Variants in CRADD observed in about 807,000 individuals in gnomAD.
The protein encoded by CRADD is CARD and death domain containing adaptor protein.
A neutral mutation model predicts 15.5 loss-of-function variants in CRADD; 9 were observed. The observed-to-expected ratio is 0.58, with a 90% CI of 0.35 to 1.01. The LOEUF is 1.01. Among genes scored for constraint, CRADD ranks in the 50% least tolerant of loss-of-function variants. CRADD has a pLI of 0.02. For missense variants in CRADD, 227 were observed against 250.3 expected, an observed-to-expected ratio of 0.91 and a Z score of 0.63; for synonymous variants, 118 against 107.6, an observed-to-expected ratio of 1.10 and a Z score of -0.60.
intron 2 of CRADD, among the ~76,000 whole-genome samples, chr12:93,829,517 CCT>C (rs922665449): frequency 2.0e-5 from 3 of 152,036 alleles, no homozygotes; most frequent in African/African-American, 2.4e-5. Context: ...TTTTGTGAAA[CCT>C]CTCAATTTTT....
chr12:93,848,997 C>T (rs1481614637), intron 2 of CRADD: 2 of 152,286 alleles, frequency 1.3e-5, no homozygotes, highest in African/African-American at 4.8e-5. Context: ...AAACCCCGCT[C>T]TCTTCCCTTC....
chr12:93,894,271 T>TGGGGGG, exon 3 of CRADD: 9 of 436,234 alleles, frequency 2.1e-5, no homozygotes, highest in East Asian at 5.0e-5. Context: ...TGTGTGTGGG[T>TGGGGGG]GGGCGGGGGG....
At position 93,679,164 on chromosome 12, in the gene CRADD, CAG is replaced by C. The variant is rs1337549891; in HGVS notation, c.298+95_298+96del. ...TTTATTTGTTTGTTTGTTTTTGAGACAGAGTCTTGCTCTGTTGCCCAGGCTGG... is the reference window on the plus strand; with the variant it reads ...TTTATTTGTTTGTTTGTTTTTGAGACAGTCTTGCTCTGTTGCCCAGGCTGG... On this transcript the variant is annotated intron_variant, in intron 2 of 2. Coordinates refer to ENST00000332896, the MANE Select transcript of CRADD (RefSeq NM_003805.5). 10 of 1,049,410 alleles carry C rather than the reference CAG, an allele frequency of 9.5e-6. No homozygotes were observed. The East Asian group carries it at 1.8e-4, about 18-fold the overall frequency. 65.0% of individuals were successfully genotyped at this position (1,049,410 alleles called of 1,614,324 possible).
intron 2 of CRADD, among the ~76,000 whole-genome samples, chr12:93,867,843 A>G (rs1958383694): frequency 6.6e-6 from 1 of 152,172 alleles, no homozygotes; most frequent in Non-Finnish European, 1.5e-5. Context: ...GGGCCCAGAG[A>G]CAAAATTGAT....
chr12:93,763,768 T>A (rs1332403114), intron 2 of CRADD, among the ~76,000 whole-genome samples: 1 of 152,140 alleles, frequency 6.6e-6, no homozygotes, highest in East Asian at 1.9e-4. Flanking sequence ...GTGCTCACAA[T>A]CCCCAAGCCC....
chr12:93,829,009 G>A (rs1213170926), intron 2 of CRADD, among the ~76,000 whole-genome samples: 1 of 152,104 alleles, frequency 6.6e-6, no homozygotes, highest in Non-Finnish European at 1.5e-5. Context: ...ATTTTCCACA[G>A]CCTTGCTCCG....
At chr12:93,818,940 G>A (rs1441540867) in intron 2 of CRADD, among the ~76,000 whole-genome samples, 1 of 152,252 alleles carries the variant, frequency 6.6e-6, no homozygotes, top group African/African-American at 2.4e-5. Flanking sequence ...CTTCAATGCT[G>A]TGATCTAGAG....
intron 2 of CRADD, among the ~76,000 whole-genome samples, chr12:93,847,807 T>G (rs1032964307): frequency 2.0e-5 from 3 of 152,234 alleles, no homozygotes; most frequent in African/African-American, 7.2e-5. Flanking sequence ...ATAGAGTATT[T>G]CTATAAAAAC....
intron 2 of CRADD, among the ~76,000 whole-genome samples, chr12:93,885,348 G>A (rs987757797): frequency 3.9e-5 from 6 of 152,200 alleles, no homozygotes; most frequent in Non-Finnish European, 8.8e-5. Context: ...TACAAACACA[G>A]GAGGGAACTT....
chr12:93,838,109 A>G (rs944364490), intron 2 of CRADD: 1 of 152,124 alleles, frequency 6.6e-6, no homozygotes, highest in Non-Finnish European at 1.5e-5. Flanking sequence ...GGTTTTAGAA[A>G]GACTAAACAT....
intron 2 of CRADD, among the ~76,000 whole-genome samples, chr12:93,718,626 T>C (rs142710696): frequency 6.6e-6 from 1 of 152,344 alleles, no homozygotes; most frequent in African/African-American, 2.4e-5. Context: ...GTCTTCCTTC[T>C]TAATCTACAT....
At chr12:93,763,130 G>A (rs1956987548) in intron 2 of CRADD, among the ~76,000 whole-genome samples, 1 of 152,212 alleles carries the variant, frequency 6.6e-6, no homozygotes, top group African/African-American at 2.4e-5. Context: ...GACAGATGAC[G>A]AGGCTGGAAC....
chr12:93,738,289 ACCTGAAGGAGGCC>A (rs939574639), intron 2 of CRADD: 6 of 686,182 alleles, frequency 8.7e-6, no homozygotes, highest in Non-Finnish European at 1.3e-5. Context: ...GGGGATGAGG[ACCTGAAGGAGGCC>A]CATGAGACCT....
chr12:93,725,152 G>A (rs773490815), intron 2 of CRADD, among the ~76,000 whole-genome samples: 2 of 152,072 alleles, frequency 1.3e-5, no homozygotes, highest in Non-Finnish European at 2.9e-5. Context: ...GAGCCACCAC[G>A]CCCGGCCCAG....
In CRADD at chr12:93,723,708, A is replaced by G. The variant is rs560044230; in HGVS notation, c.298+44636A>G. On this transcript the variant is annotated intron_variant, in intron 2 of 2. Coordinates refer to ENST00000332896, the MANE Select transcript of CRADD (RefSeq NM_003805.5). Reference sequence around the variant, plus strand: ...TTTGCTGGGCAGTGGGAATGATGAAACTGCCTGGTGAATACAGAAGTGTTC... The same window carrying G: ...TTTGCTGGGCAGTGGGAATGATGAAGCTGCCTGGTGAATACAGAAGTGTTC... Among the ~76,000 whole-genome samples the G allele has an allele frequency of 1.8e-4, 27 of 152,324 alleles. No homozygotes were observed. In the South Asian group the frequency reaches 5.6e-3, roughly 32 times the overall value.
intron 2 of CRADD, among the ~76,000 whole-genome samples, chr12:93,715,807 A>G (rs1446013797): frequency 6.6e-6 from 1 of 152,006 alleles, no homozygotes; most frequent in Non-Finnish European, 1.5e-5. Context: ...CTTTTTCCCC[A>G]TTTTCTTTGG....
chr12:93,791,377 C>T (rs1251575496), intron 2 of CRADD, among the ~76,000 whole-genome samples: 1 of 151,968 alleles, frequency 6.6e-6, no homozygotes, highest in East Asian at 1.9e-4. Context: ...TTTGAGACAA[C>T]ATGGGCAAAC....
chr12:93,767,063 C>G (rs1205333627), intron 2 of CRADD, among the ~76,000 whole-genome samples: 1 of 152,198 alleles, frequency 6.6e-6, no homozygotes, highest in Non-Finnish European at 1.5e-5. Flanking sequence ...GGGCCTTGTC[C>G]TTTCTGTCTG....
At chr12:93,841,152 T>C (rs1403542580) in intron 2 of CRADD, among the ~76,000 whole-genome samples, 1 of 152,214 alleles carries the variant, frequency 6.6e-6, no homozygotes, top group Non-Finnish European at 1.5e-5. Context: ...TTTATGATGT[T>C]GAAATTTATT....
Sources: allele counts gnomAD v4.1 joint callset (sites outside exome capture counted in the v4.1 genomes callset), GRCh38; gene constraint gnomAD v4.1.1; transcripts MANE v1.5; gene names NCBI Gene and HGNC (gene_info 2026-07-23, HGNC 2026-07-21).